Variants in ZNF568 observed in about 807,000 individuals in gnomAD.
The protein encoded by ZNF568 is p53 inhibitor of SCO2 activation.
ZNF568 carries 11 observed loss-of-function variants against 18.1 expected under a neutral mutation model. The observed-to-expected ratio is 0.61, with a 90% CI of 0.38 to 1.00. ZNF568 has a LOEUF of 1.00. Among genes scored for constraint, ZNF568 ranks in the 50% least tolerant of loss-of-function variants. The pLI, the probability that ZNF568 is intolerant of heterozygous loss-of-function variation, is 0.01. For missense variants in ZNF568, 639 were observed against 768.2 expected, an observed-to-expected ratio of 0.83 and a Z score of 1.99; for synonymous variants, 213 against 246.6, an observed-to-expected ratio of 0.86 and a Z score of 1.28.
chr19:36,945,409 G>C (rs936236101), intron 6 of ZNF568, among the ~76,000 whole-genome samples: 1 of 152,070 alleles, frequency 6.6e-6, no homozygotes, highest in Non-Finnish European at 1.5e-5. Flanking sequence ...TGAGGATGAA[G>C]ATGTTTAGGA....
intron 7 of ZNF568, among the ~76,000 whole-genome samples, chr19:36,975,653 G>T (rs2074277708): frequency 6.6e-6 from 1 of 150,670 alleles, no homozygotes; most frequent in Non-Finnish European, 1.5e-5. Flanking sequence ...CAAAGTGCTG[G>T]CAGCAGGCGT....
intron 3 of ZNF568, among the ~76,000 whole-genome samples, chr19:36,923,365 T>G (rs961061394): frequency 6.6e-6 from 1 of 152,082 alleles, no homozygotes; most frequent in African/African-American, 2.4e-5. Context: ...ATGGTATTAT[T>G]TTTTGGAGGT....
In ZNF568 at chr19:36,949,750, A is replaced by G; in HGVS notation, c.597A>G (p.Val199=). 1 of 1,613,998 alleles carries G rather than the reference A, an allele frequency of 6.2e-7. No individual in the cohort carries two copies. The highest frequency in any genetic ancestry group is 1.1e-5 in the South Asian group (1 of 91,080). The change falls in exon 7 of 7, where the codon GTA becomes GTG. Residue 199 remains valine (V), a synonymous_variant. Coordinates refer to ENST00000333987, the MANE Select transcript of ZNF568 (RefSeq NM_198539.4). ...TACTTAGATATGAGAAAGGCTGTGT[A>G]AGAGAGAAACAGAGTAATGAGTTTG... ...LDLLRYEKGC[V]REKQSNEFGK... is the part of the protein sequence containing the mutation.
At chr19:36,918,830 CT>C (rs1313368259) in intron 2 of ZNF568, among the ~76,000 whole-genome samples, 3 of 152,186 alleles carry the variant, frequency 2.0e-5, no homozygotes, top group Non-Finnish European at 4.4e-5. Context: ...TACCATTCTA[CT>C]TTCTGTCTCT....
chr19:36,990,279 G>C (rs1348717272), intron 2 of ZNF568, among the ~76,000 whole-genome samples: 1 of 152,052 alleles, frequency 6.6e-6, no homozygotes, highest in Non-Finnish European at 1.5e-5. Flanking sequence ...GTATGGTTGG[G>C]GTCATTTGTG....
At chr19:36,919,357 TGACAGTGGTCCTGTAA>T (rs1366626786) in intron 2 of ZNF568, among the ~76,000 whole-genome samples, 3 of 152,178 alleles carry the variant, frequency 2.0e-5, no homozygotes, top group Non-Finnish European at 4.4e-5. Flanking sequence ...TATACATACA[TGACAGTGGTCCTGTAA>T]GACAGTGGTC....
At position 36,950,254 on chromosome 19, in the gene ZNF568, T is replaced by C; in HGVS notation, c.1101T>C (p.Cys367=). The change falls in exon 7 of 7, where the codon TGT becomes TGC. Residue 367 remains cysteine, a synonymous_variant. Coordinates refer to ENST00000333987, the MANE Select transcript of ZNF568 (RefSeq NM_198539.4). ...AGAAACCTTATGCATGTAATGAATG[T>C]GGTAGAGCTTTTTCTCGAATGTCAT... The part of the protein sequence containing the change: ...TGEKPYACNE[C]GRAFSRMSSV... The C allele has an allele frequency of 6.2e-7, 1 of 1,614,042 alleles. No individual in the cohort carries two copies.
At chr19:36,933,779 C>T (rs1022541856) in intron 4 of ZNF568, among the ~76,000 whole-genome samples, 1 of 151,682 alleles carries the variant, frequency 6.6e-6, no homozygotes, top group Non-Finnish European at 1.5e-5. Flanking sequence ...GATGTGTCCC[C>T]TCCTTTTATT....
chr19:36,981,275 C>A (rs80117812), downstream of ZNF568, among the ~76,000 whole-genome samples: 3,812 of 152,232 alleles, frequency 0.025, 85 homozygotes, highest in East Asian at 0.077. Context: ...CTACTATGGT[C>A]CTGTTCTCTA....
intron 4 of ZNF568, among the ~76,000 whole-genome samples, chr19:36,992,502 G>A (rs959658468): frequency 3.3e-5 from 5 of 150,270 alleles, no homozygotes; most frequent in African/African-American, 4.9e-5. Flanking sequence ...ACTCCATCTT[G>A]AAAAAAAAAG....
intron 6 of ZNF568, among the ~76,000 whole-genome samples, chr19:36,962,280 T>TTG (rs1441460310): frequency 7.9e-5 from 3 of 38,076 alleles, no homozygotes; most frequent in East Asian, 3.9e-4. Flanking sequence ...TTGCAGTGTT[T>TTG]TTTTTTTTTT....
chr19:36,932,626 C>T (rs998949240), intron 4 of ZNF568, among the ~76,000 whole-genome samples: 2 of 151,838 alleles, frequency 1.3e-5, no homozygotes, highest in African/African-American at 2.4e-5. Context: ...CTACTGTTTT[C>T]CATAGCAGTT....
chr19:36,930,929 C>G (rs1406703736), intron 4 of ZNF568, among the ~76,000 whole-genome samples: 1 of 152,176 alleles, frequency 6.6e-6, no homozygotes, highest in Non-Finnish European at 1.5e-5. Context: ...TTTAGTATTT[C>G]AGCATTTTTT....
rs200880642 is a variant in ZNF568, at chr19:36,933,898, G to GTTT, written c.136-2848_136-2847insTTT. ...TAGGCCTGAGTTTTTCTTTTGGGTA[G>GTTT]GTTTTTTTTTTTGTTTTGTTTTTTT... On this transcript the variant is annotated intron_variant, in intron 4 of 6. Coordinates refer to ENST00000333987, the MANE Select transcript of ZNF568 (RefSeq NM_198539.4). 7.4e-4 allele frequency among the ~76,000 whole-genome samples: 19 copies of GTTT among 25,762 alleles called. 2 individuals carry two copies. The highest frequency in any genetic ancestry group is 3.9e-3 in the African/African-American group (14 of 3,568). 16.9% of individuals were successfully genotyped at this position (25,762 alleles called of 152,430 possible).
intron 4 of ZNF568, among the ~76,000 whole-genome samples, chr19:36,936,336 G>T (rs2073789434): frequency 6.6e-6 from 1 of 152,110 alleles, no homozygotes; most frequent in African/African-American, 2.4e-5. Flanking sequence ...GCTGAGAAAA[G>T]AGAGCAAATA....
In ZNF568 at chr19:36,949,600, G is replaced by T; in HGVS notation, c.447G>T (p.Lys149Asn). The change falls in exon 7 of 7, where the codon AAG becomes AAT. Residue 149 changes from lysine to asparagine, a missense_variant. Coordinates refer to ENST00000333987, the MANE Select transcript of ZNF568 (RefSeq NM_198539.4). ...CCATCTCCAAGAAAATTCTGATAAA[G>T]GAAAAAGTCATTGAATGTAAAAAAG... ...VTSISKKILI[K>N]EKVIECKKVA... is the part of the protein sequence containing the mutation. 1 of 1,613,434 alleles carries T rather than the reference G, an allele frequency of 6.2e-7. No individual in the cohort carries two copies. Among genetic ancestry groups the T allele is most frequent in the Non-Finnish European group, 8.5e-7 (1 of 1,179,742 alleles).
At chr19:36,960,584 CTGGGGTGG>C (rs2074141366) in intron 6 of ZNF568, among the ~76,000 whole-genome samples, 1 of 151,790 alleles carries the variant, frequency 6.6e-6, no homozygotes, top group African/African-American at 2.4e-5. Flanking sequence ...CAAAAATTAG[CTGGGGTGG>C]TGGCACTTGC....
chr19:36,970,997 C>G (rs2074231341), intron 6 of ZNF568, among the ~76,000 whole-genome samples: 1 of 151,970 alleles, frequency 6.6e-6, no homozygotes. Flanking sequence ...AATCCCAGCA[C>G]TTTGGGAGGC....
chr19:36,926,980 T>C (rs927726781), intron 4 of ZNF568, among the ~76,000 whole-genome samples: 1 of 152,174 alleles, frequency 6.6e-6, no homozygotes, highest in African/African-American at 2.4e-5. Flanking sequence ...CAAAAGCCAA[T>C]TACCCATTCA....
Sources: allele counts gnomAD v4.1 joint callset (sites outside exome capture counted in the v4.1 genomes callset), GRCh38; gene constraint gnomAD v4.1.1; transcripts MANE v1.5; gene names NCBI Gene and HGNC (gene_info 2026-07-23, HGNC 2026-07-21).